CNKSR3: variants seen among roughly 807,000 people sequenced by gnomAD.
CNKSR3 encodes connector enhancer of kinase suppressor of ras 3.
In CNKSR3, 36 loss-of-function variants were observed where a neutral mutation model predicts 67.7. That is an observed-to-expected ratio of 0.53 (90% CI 0.41 to 0.70). The LOEUF (loss-of-function observed/expected upper bound fraction) is 0.70. Ranked by LOEUF, CNKSR3 falls within the 30% of genes least tolerant of loss-of-function variation. The pLI, the probability that CNKSR3 is intolerant of heterozygous loss-of-function variation, is 0.00. For missense variants in CNKSR3, 630 were observed against 695.2 expected (o/e 0.91, Z 1.05); for synonymous variants, 281 against 271.4 (o/e 1.04, Z -0.35).
At chr6:154,509,592 C>T (rs1787172361) in intron 1 of CNKSR3, among the ~76,000 whole-genome samples, 1 of 152,222 alleles carries the variant, frequency 6.6e-6, no homozygotes, top group African/African-American at 2.4e-5. Context: ...CGGAGTCTCC[C>T]TCTACCTGTC....
At chr6:154,507,275 CAT>C (rs2114666165) in intron 1 of CNKSR3, among the ~76,000 whole-genome samples, 1 of 152,330 alleles carries the variant, frequency 6.6e-6, no homozygotes, top group East Asian at 1.9e-4. Flanking sequence ...CTAAGGCACA[CAT>C]CTGTCAAATA....
At chr6:154,496,809 G>A (rs753390848) in intron 1 of CNKSR3, among the ~76,000 whole-genome samples, 4 of 152,150 alleles carry the variant, frequency 2.6e-5, no homozygotes, top group Non-Finnish European at 4.4e-5. Context: ...AGATCAATGC[G>A]ATTCATAATG....
rs1554232473 is a variant in CNKSR3, at chr6:154,430,409, T to TA, written c.669+62dup. 3 of 1,485,576 alleles carry TA rather than the reference T, an allele frequency of 2.0e-6. No individual in the cohort carries two copies. The African/African-American group carries it at 4.3e-5, about 21-fold the overall frequency. The allele number at this position is 1,485,576 out of a possible 1,614,324, so 92.0% of individuals were successfully genotyped here. The stretch of plus-strand genomic sequence containing the variant: ...TAGTGAAAGCAATAAGGAATTTTTT[T>TA]AAAAATTTAGTAAATGATGATGTAT... On this transcript the variant is annotated intron_variant, in intron 6 of 12. Coordinates refer to ENST00000607772, the MANE Select transcript of CNKSR3 (RefSeq NM_173515.4).
In CNKSR3 at chr6:154,406,530, C is replaced by G. The variant is rs1027734762; in HGVS notation, c.1492G>C (p.Asp498His). The change falls in exon 13 of 13, where the codon GAC (aspartate) becomes CAC (histidine). Residue 498 changes from aspartate to histidine, a missense_variant. Around this residue, in one of 3 missense-constraint regions of CNKSR3, gnomAD observed 308 missense variants for 299.6 expected, o/e 1.03. Transcript: ENST00000607772. ...TAGCACCTGCTTCCTCGGATGTAGT[C>G]CGCACCCCGGACCAGATGCCGCTCG... ...TTERHLVRGA[D>H]YIRGSRCYIN... The G allele has an allele frequency of 1.2e-6, 2 of 1,614,202 alleles. No homozygotes were observed. Among genetic ancestry groups the G allele is most frequent in the African/African-American group, 1.3e-5 (1 of 75,050 alleles).
intron 1 of CNKSR3, among the ~76,000 whole-genome samples, chr6:154,475,269 A>C (rs1419999843): frequency 1.3e-5 from 2 of 152,168 alleles, no homozygotes; most frequent in South Asian, 2.1e-4. Flanking sequence ...CCAGCACCTC[A>C]GAGTTACAAC....
At chr6:154,504,692 C>T (rs1036137674) in intron 1 of CNKSR3, among the ~76,000 whole-genome samples, 5 of 148,766 alleles carry the variant, frequency 3.4e-5, no homozygotes, top group Non-Finnish European at 7.4e-5. Context: ...ATTCAAACAC[C>T]TCACTGGGTT....
intron 5 of CNKSR3, 127 bp downstream of exon 5, chr6:154,433,339 C>T (rs1366844078): frequency 2.6e-5 from 18 of 699,728 alleles, no homozygotes; most frequent in Non-Finnish European, 4.3e-5. Flanking sequence ...AATTTAAAAA[C>T]TCATGTCCCA....
intron 1 of CNKSR3, among the ~76,000 whole-genome samples, chr6:154,492,860 T>G (rs1172054087): frequency 6.6e-6 from 1 of 151,980 alleles, no homozygotes; most frequent in Non-Finnish European, 1.5e-5. Flanking sequence ...GACCAAACAC[T>G]TCAAGGGTAT....
In CNKSR3 at chr6:154,505,536, C is replaced by T. The variant is rs1487680835; in HGVS notation, c.52+4527G>A. Among the ~76,000 whole-genome samples the T allele has an allele frequency of 4.1e-5, 6 of 148,068 alleles. No individual in the cohort carries two copies. In the South Asian group the frequency reaches 6.4e-4, roughly 16 times the overall value. On this transcript the variant is annotated intron_variant, in intron 1 of 12. Transcript: ENST00000607772. Reference sequence around the variant, plus strand: ...TTTTTGAGACAGAGTCTCACTCTGTCGCCTAGGCTGGAGTGCAGTGGCACG... The same window carrying T: ...TTTTTGAGACAGAGTCTCACTCTGTTGCCTAGGCTGGAGTGCAGTGGCACG...
intron 1 of CNKSR3, among the ~76,000 whole-genome samples, chr6:154,474,735 G>A (rs556283398): frequency 2.4e-4 from 37 of 152,146 alleles, no homozygotes; most frequent in Non-Finnish European, 4.4e-4. Context: ...GATGGACTAC[G>A]ACATCACATG....
Position 154,400,756 on chromosome 6 carries a change from T to G in CNKSR3, c.*5598A>C, listed in dbSNP as rs930885539. On this transcript the variant is annotated 3_prime_UTR_variant, in exon 13 of 13. Coordinates refer to ENST00000607772, the MANE Select transcript of CNKSR3 (RefSeq NM_173515.4). ...AACATGATGTAATCACTTTTTCCTTTACTTATGTAAAAGGTACCCTTTGTC... is the reference window on the plus strand; with the variant it reads ...AACATGATGTAATCACTTTTTCCTTGACTTATGTAAAAGGTACCCTTTGTC... 1.3e-5 allele frequency: 2 copies of G among 152,222 alleles called. No individual in the cohort carries two copies. Among genetic ancestry groups the G allele is most frequent in the Non-Finnish European group, 2.9e-5 (2 of 68,026 alleles). 9.4% of individuals were successfully genotyped at this position (152,222 alleles called of 1,614,324 possible).
chr6:154,471,175 T>C (rs941706470), intron 1 of CNKSR3, among the ~76,000 whole-genome samples: 7 of 152,362 alleles, frequency 4.6e-5, no homozygotes, highest in Admixed American at 1.3e-4. Context: ...GTGTCATTTC[T>C]ACTTATTTAC....
At chr6:154,475,283 C>T (rs1786420208) in intron 1 of CNKSR3, among the ~76,000 whole-genome samples, 2 of 152,144 alleles carry the variant, frequency 1.3e-5, no homozygotes, top group East Asian at 1.9e-4. Context: ...TTACAACACA[C>T]GCCTGGCCCT....
chr6:154,478,707 G>T (rs1386003676), intron 1 of CNKSR3, among the ~76,000 whole-genome samples: 2 of 152,152 alleles, frequency 1.3e-5, no homozygotes, highest in Non-Finnish European at 2.9e-5. Flanking sequence ...AACTCCCTTT[G>T]TAAAAATCAC....
chr6:154,455,345 C>T (rs1785931155), intron 1 of CNKSR3, among the ~76,000 whole-genome samples: 1 of 152,116 alleles, frequency 6.6e-6, no homozygotes, highest in African/African-American at 2.4e-5. Context: ...TTCACTACTT[C>T]CTCCACTGGT....
intron 4 of CNKSR3, among the ~76,000 whole-genome samples, chr6:154,438,717 T>C (rs944186758): frequency 2.6e-5 from 4 of 152,198 alleles, no homozygotes; most frequent in Non-Finnish European, 5.9e-5. Flanking sequence ...AGAAAATGAA[T>C]GCGGAAACAA....
At position 154,392,031 on chromosome 6, in the gene CNKSR3, G is replaced by A. The variant is rs1398784213; in HGVS notation, c.*14323C>T. 6.6e-6 allele frequency: 1 copy of A among 152,182 alleles called. No homozygotes were observed. The highest frequency in any genetic ancestry group is 1.5e-5 in the Non-Finnish European group (1 of 68,070). The allele number at this position is 152,182 out of a possible 1,614,324, so 9.4% of individuals were successfully genotyped here. The stretch of plus-strand genomic sequence containing the variant: ...CAGAGACCATCCTGGCCAACATGGT[G>A]AAACCCCGTCACTATTAAAAATACA... On this transcript the variant is annotated 3_prime_UTR_variant, in exon 13 of 13. Coordinates refer to ENST00000607772, the MANE Select transcript of CNKSR3 (RefSeq NM_173515.4).
intron 1 of CNKSR3, among the ~76,000 whole-genome samples, chr6:154,484,734 C>T (rs1786633820): frequency 6.7e-6 from 1 of 150,138 alleles, no homozygotes; most frequent in Admixed American, 6.6e-5. Context: ...TTGTCTCTAT[C>T]ATCTCAAACC....
intron 1 of CNKSR3, among the ~76,000 whole-genome samples, chr6:154,489,952 C>T (rs769357825): frequency 7.9e-5 from 12 of 152,312 alleles, no homozygotes; most frequent in Admixed American, 1.3e-4. Context: ...TCCAAACTTC[C>T]GCCGTCTGGG....
Sources: allele counts gnomAD v4.1 joint callset (sites outside exome capture counted in the v4.1 genomes callset), GRCh38; gene constraint gnomAD v4.1.1; regional missense constraint gnomAD v4.1.1; transcripts MANE v1.5; gene names NCBI Gene and HGNC (gene_info 2026-07-23, HGNC 2026-07-21).